Variants in KPNA3 observed in about 807,000 individuals in gnomAD.
KPNA3 encodes the protein importin subunit alpha-4.
KPNA3 carries 13 observed loss-of-function variants against 73.8 expected under a neutral mutation model. The ratio of observed to expected loss-of-function variants is 0.18; its 90% CI spans 0.11 to 0.28. KPNA3 has a LOEUF of 0.28. Ranked by LOEUF, KPNA3 falls within the 10% of genes least tolerant of loss-of-function variation. The pLI, the probability that KPNA3 is intolerant of heterozygous loss-of-function variation, is 1.00. For synonymous variants in KPNA3, 186 were observed against 206.9 expected (o/e 0.90, Z 0.87); for missense variants, 360 against 618.1 (o/e 0.58, Z 4.43).
intron 10 of KPNA3, among the ~76,000 whole-genome samples, chr13:49,713,902 C>T (rs1954283401): frequency 6.6e-6 from 1 of 152,050 alleles, no homozygotes; most frequent in African/African-American, 2.4e-5. Flanking sequence ...TGGGGTTTCA[C>T]CATGTTGGCC....
At chr13:49,710,475 G>A (rs1954250059) in intron 11 of KPNA3, among the ~76,000 whole-genome samples, 1 of 152,204 alleles carries the variant, frequency 6.6e-6, no homozygotes, top group South Asian at 2.1e-4. Context: ...GATAAGGAGA[G>A]ACAGATTTGA....
chr13:49,710,502 T>C (rs988974139), intron 11 of KPNA3, among the ~76,000 whole-genome samples: 1 of 152,178 alleles, frequency 6.6e-6, no homozygotes. Flanking sequence ...ATAAGAAGAA[T>C]TGAAATGATT....
At chr13:49,768,584 T>A (rs2137591170) in intron 1 of KPNA3, among the ~76,000 whole-genome samples, 1 of 148,100 alleles carries the variant, frequency 6.8e-6, no homozygotes, top group Admixed American at 6.7e-5. Context: ...TTTTTTTTTT[T>A]TTTTTTTTTT....
rs1041779705 is a variant in KPNA3, at chr13:49,775,178, A to G, written c.69+17260T>C. On this transcript the variant is annotated intron_variant, in intron 1 of 16. Transcript: ENST00000261667. ...ACTCTGTCTCAAAAAAAAAAAAAAA[A>G]AAAAAAAAGAAAAAAGAAAAAAGAA... Among the ~76,000 whole-genome samples, 50 of 69,410 alleles carry G rather than the reference A, an allele frequency of 7.2e-4. 1 individual carries two copies. Among genetic ancestry groups the G allele is most frequent in the African/African-American group, 2.0e-3 (47 of 23,572 alleles). The allele number at this position is 69,410 out of a possible 152,430, so 45.5% of individuals were successfully genotyped here. A position where few individuals can be genotyped will look rare whatever the true frequency, so the allele number is the denominator to read the frequency against.
At chr13:49,750,145 G>C (rs1213071821) in intron 1 of KPNA3, among the ~76,000 whole-genome samples, 3 of 152,310 alleles carry the variant, frequency 2.0e-5, no homozygotes, top group Admixed American at 1.3e-4. Context: ...CAACCGGGAA[G>C]CAAGTACAGA....
At chr13:49,782,917 G>A (rs1337468567) in intron 1 of KPNA3, among the ~76,000 whole-genome samples, 1 of 151,484 alleles carries the variant, frequency 6.6e-6, no homozygotes, top group Admixed American at 6.6e-5. Context: ...CAAGTCACTA[G>A]AATATGTAAA....
Position 49,722,119 on chromosome 13 carries a change from C to G in KPNA3, c.562G>C (p.Gly188Arg). 1 of 1,536,758 alleles carries G rather than the reference C, an allele frequency of 6.5e-7. No homozygotes were observed. Among genetic ancestry groups the G allele is most frequent in the Non-Finnish European group, 8.7e-7 (1 of 1,143,304 alleles). Reference protein sequence around the residue: ...VWALGNIIGDGPQCRDYVISL... With the variant: ...VWALGNIIGDRPQCRDYVISL... The stretch of plus-strand genomic sequence containing the variant: ...ATGACATAATCTCTACATTGAGGAC[C>G]ATCACCTACAGAAATGAAAATTATA... The change falls in exon 9 of 17, where the codon GGT (glycine) becomes CGT (arginine). Residue 188 changes from glycine (G) to arginine (R), a missense_variant. Physicochemically the swap from Gly to Arg is moderately radical, Grantham distance 125. Transcript: ENST00000261667.
At chr13:49,768,278 C>CAAA (rs35217633) in intron 1 of KPNA3, among the ~76,000 whole-genome samples, 8 of 94,802 alleles carry the variant, frequency 8.4e-5, no homozygotes, top group South Asian at 3.6e-4. Flanking sequence ...GACTCTGTCT[C>CAAA]AAAAAAAAAA....
chr13:49,778,413 C>T (rs1255316575), intron 1 of KPNA3, among the ~76,000 whole-genome samples: 2 of 152,272 alleles, frequency 1.3e-5, no homozygotes, highest in Non-Finnish European at 2.9e-5. Flanking sequence ...CACCACCTGG[C>T]TGTGCTGGAG....
At chr13:49,778,520 C>T (rs372860089) in intron 1 of KPNA3, among the ~76,000 whole-genome samples, 14 of 152,266 alleles carry the variant, frequency 9.2e-5, no homozygotes, top group African/African-American at 2.9e-4. Context: ...TTTCTTTTAA[C>T]AAGATATAAA....
intron 1 of KPNA3, among the ~76,000 whole-genome samples, chr13:49,763,233 G>GA (rs1954783107): frequency 6.6e-6 from 1 of 152,024 alleles, no homozygotes; most frequent in Non-Finnish European, 1.5e-5. Context: ...TCTGAGATAT[G>GA]AAAAAATAAT....
chr13:49,738,337 A>C (rs148946090), intron 2 of KPNA3, among the ~76,000 whole-genome samples: 43 of 152,312 alleles, frequency 2.8e-4, no homozygotes, highest in African/African-American at 1.0e-3. Context: ...TAGCTATTCT[A>C]GAGACTGTGT....
intron 1 of KPNA3, among the ~76,000 whole-genome samples, chr13:49,761,619 C>A (rs1451866772): frequency 3.3e-5 from 5 of 152,220 alleles, no homozygotes; most frequent in African/African-American, 1.2e-4. Flanking sequence ...CCTGCCTTGG[C>A]CTCCCAAAGT....
intron 1 of KPNA3, among the ~76,000 whole-genome samples, chr13:49,757,866 G>A (rs1954724962): frequency 6.6e-6 from 1 of 152,122 alleles, no homozygotes; most frequent in South Asian, 2.1e-4. Flanking sequence ...ACAATGACTT[G>A]GATGAACATA....
chr13:49,738,292 A>C (rs1217919365), intron 2 of KPNA3, among the ~76,000 whole-genome samples: 1 of 152,172 alleles, frequency 6.6e-6, no homozygotes, highest in Admixed American at 6.5e-5. Flanking sequence ...ATATTGCGTG[A>C]AGTAATTTCC....
At chr13:49,765,268 A>C (rs1954799764) in intron 1 of KPNA3, among the ~76,000 whole-genome samples, 1 of 152,218 alleles carries the variant, frequency 6.6e-6, no homozygotes, top group South Asian at 2.1e-4. Context: ...AATCTAGTTA[A>C]TCTTTAAATA....
intron 1 of KPNA3, among the ~76,000 whole-genome samples, chr13:49,787,758 C>T (rs1375860542): frequency 6.6e-6 from 1 of 150,872 alleles, no homozygotes; most frequent in African/African-American, 2.4e-5. Flanking sequence ...TGACTCACTG[C>T]AAGCTCCGCC....
At chr13:49,731,075 C>T (rs538350185) in intron 6 of KPNA3, among the ~76,000 whole-genome samples, 1 of 151,278 alleles carries the variant, frequency 6.6e-6, no homozygotes, top group East Asian at 2.0e-4. Context: ...CCACTGCACC[C>T]AGCCGAATTT....
At chr13:49,721,507 T>A in intron 9 of KPNA3, among the ~76,000 whole-genome samples, 1 of 152,124 alleles carries the variant, frequency 6.6e-6, no homozygotes, top group East Asian at 1.9e-4. Context: ...TAATTAAATA[T>A]GGTACGTTAC....
Sources: allele counts gnomAD v4.1 joint callset (sites outside exome capture counted in the v4.1 genomes callset), GRCh38; gene constraint gnomAD v4.1.1; transcripts MANE v1.5; gene names NCBI Gene and HGNC (gene_info 2026-07-23, HGNC 2026-07-21).